GSE1: variants seen among roughly 807,000 people sequenced by gnomAD.
GSE1 encodes Gse1 coiled-coil protein.
A neutral mutation model predicts 112.6 loss-of-function variants in GSE1; 32 were observed. That is an observed-to-expected ratio of 0.28 (90% confidence interval 0.21 to 0.38). The LOEUF (loss-of-function observed/expected upper bound fraction) is 0.38, where lower values mean the gene tolerates loss of function less well. GSE1 is among the 10% of genes least tolerant of loss of function. The probability of loss-of-function intolerance (pLI) is 1.00; values close to 1 mark genes in which losing one functional copy is unlikely to be tolerated. For missense variants in GSE1, 2,348 were observed against 1,699.2 expected, an observed-to-expected ratio of 1.38 and a Z score of -6.71; for synonymous variants, 1,115 against 735.6, an observed-to-expected ratio of 1.52 and a Z score of -8.35.
intron 2 of GSE1, among the ~76,000 whole-genome samples, chr16:85,634,369 G>A (rs539156870): frequency 1.4e-4 from 22 of 152,230 alleles, no homozygotes; most frequent in African/African-American, 4.3e-4. Context: ...CTCGGCCCCC[G>A]GAGCCACTGC....
At chr16:85,459,202 G>A (rs928499455) in intron 2 of GSE1, among the ~76,000 whole-genome samples, 3 of 152,212 alleles carry the variant, frequency 2.0e-5, no homozygotes, top group East Asian at 3.8e-4. Flanking sequence ...AACAACCACC[G>A]TGCCAATTGC....
At chr16:85,272,521 G>C (rs16975454) in intron 1 of GSE1, among the ~76,000 whole-genome samples, 1,761 of 152,252 alleles carry the variant, frequency 0.012, 40 homozygotes, top group African/African-American at 0.039. Context: ...TAAACCTTCT[G>C]AATGTCTGTG....
At chr16:85,417,250 C>G (rs1430606546) in intron 2 of GSE1, among the ~76,000 whole-genome samples, 3 of 152,230 alleles carry the variant, frequency 2.0e-5, no homozygotes, top group Non-Finnish European at 4.4e-5. Context: ...TTCCCAGCCT[C>G]AACCCCACTA....
At chr16:85,366,438 A>C (rs1376774843) in intron 2 of GSE1, among the ~76,000 whole-genome samples, 4 of 152,256 alleles carry the variant, frequency 2.6e-5, no homozygotes, top group African/African-American at 9.6e-5. Flanking sequence ...CTCCACGACC[A>C]ATCTATTTAT....
intron 2 of GSE1, among the ~76,000 whole-genome samples, chr16:85,432,002 C>T (rs1269332606): frequency 2.0e-5 from 3 of 152,222 alleles, no homozygotes; most frequent in South Asian, 2.1e-4. Context: ...GAATCCTCGC[C>T]GCCTGGGCGA....
chr16:85,325,292 T>A (rs1355990269), intron 1 of GSE1, among the ~76,000 whole-genome samples: 1 of 152,090 alleles, frequency 6.6e-6, no homozygotes, highest in Non-Finnish European at 1.5e-5. Flanking sequence ...CTTAAAAAGC[T>A]TTAGTGGCGA....
At chr16:85,560,049 T>A (rs2045436589) in intron 1 of GSE1, among the ~76,000 whole-genome samples, 1 of 152,052 alleles carries the variant, frequency 6.6e-6, no homozygotes, top group Non-Finnish European at 1.5e-5. Flanking sequence ...TAATAATAAT[T>A]CTTATTTTGT....
intron 1 of GSE1, among the ~76,000 whole-genome samples, chr16:85,187,724 C>G (rs1334017685): frequency 2.0e-5 from 3 of 152,192 alleles, no homozygotes; most frequent in African/African-American, 7.2e-5. Flanking sequence ...GCCTTGGGCT[C>G]CTCACCCACA....
At chr16:85,581,503 T>C (rs1360966557) in intron 1 of GSE1, among the ~76,000 whole-genome samples, 5 of 152,118 alleles carry the variant, frequency 3.3e-5, no homozygotes, top group Non-Finnish European at 1.5e-5. Context: ...GGCCCTCTGT[T>C]TCTGGAGAGA....
At chr16:85,175,455 G>C (rs2074442537) in intron 1 of GSE1, among the ~76,000 whole-genome samples, 1 of 152,386 alleles carries the variant, frequency 6.6e-6, no homozygotes, top group East Asian at 1.9e-4. Flanking sequence ...GGAGTCGGCT[G>C]TGTGATGTTG....
At chr16:85,552,019 C>CTTTTTTTTTTTTTTTTTTT, upstream of GSE1, among the ~76,000 whole-genome samples, 1 of 151,946 alleles carries the variant, frequency 6.6e-6, no homozygotes, top group African/African-American at 2.4e-5. Context: ...CACTCAATTT[C>CTTTTTTTTTTTTTTTTTTT]TTTCTTTCTT....
intron 1 of GSE1, among the ~76,000 whole-genome samples, chr16:85,199,104 C>T (rs1270079484): frequency 6.6e-6 from 1 of 151,888 alleles, no homozygotes; most frequent in African/African-American, 2.4e-5. Context: ...GCTACCATGC[C>T]CAGCTAATTT....
chr16:85,393,033 G>C (rs2047879986), intron 2 of GSE1, among the ~76,000 whole-genome samples: 1 of 152,234 alleles, frequency 6.6e-6, no homozygotes, highest in Non-Finnish European at 1.5e-5. Context: ...AGGAGGATCA[G>C]ATAGAGGCCC....
chr16:85,331,385 A>ATATATG (rs1567692636), intron 1 of GSE1, among the ~76,000 whole-genome samples: 5 of 135,874 alleles, frequency 3.7e-5, no homozygotes, highest in African/African-American at 1.3e-4. Flanking sequence ...ATATATATGT[A>ATATATG]TATATATGTG....
chr16:85,268,264 G>A (rs1908460645), intron 1 of GSE1, among the ~76,000 whole-genome samples: 1 of 152,096 alleles, frequency 6.6e-6, no homozygotes, highest in African/African-American at 2.4e-5. Context: ...CGCTGGTGCA[G>A]AAGCATAATT....
At chr16:85,669,966 G>T (rs1268316565) in intron 14 of GSE1, among the ~76,000 whole-genome samples, 1 of 152,196 alleles carries the variant, frequency 6.6e-6, no homozygotes, top group Non-Finnish European at 1.5e-5. Flanking sequence ...TTTCCCCCAA[G>T]GACTTTTCCC....
At chr16:85,346,749 A>G (rs1426918614) in intron 1 of GSE1, among the ~76,000 whole-genome samples, 2 of 148,322 alleles carry the variant, frequency 1.3e-5, no homozygotes, top group African/African-American at 5.0e-5. Flanking sequence ...AGGTGAGTGG[A>G]TGGTGGGCAG....
intron 2 of GSE1, among the ~76,000 whole-genome samples, chr16:85,512,141 G>T (rs1049960467): frequency 1.3e-5 from 2 of 152,160 alleles, no homozygotes; most frequent in Non-Finnish European, 2.9e-5. Flanking sequence ...CCACAGCCTG[G>T]CTGGGCCCAC....
Position 85,311,848 on chromosome 16 carries a change from T to C in GSE1, c.2284-45615T>C, listed in dbSNP as rs2045857017. Reference sequence around the variant, plus strand: ...TCTGACCTGTGGCCCCAGCCGCGAGTCCTTCTCACCCCAGACCCCAGCGTC... The same window carrying C: ...TCTGACCTGTGGCCCCAGCCGCGAGCCCTTCTCACCCCAGACCCCAGCGTC... On this transcript the variant is annotated intron_variant, in intron 1 of 2. Transcript: ENST00000637419. The surrounding 1 kb of genome is among the most constrained non-coding windows in gnomAD (Gnocchi z 4.2). 6.6e-6 allele frequency among the ~76,000 whole-genome samples: 1 copy of C among 152,120 alleles called. No individual in the cohort carries two copies. The highest frequency in any genetic ancestry group is 2.1e-4 in the South Asian group (1 of 4,824).
Sources: gnomAD v4.1 joint callset for allele counts (sites outside exome capture counted in the v4.1 genomes callset) on GRCh38, gnomAD v4.1.1 for gene constraint, Gnocchi (gnomAD v3.1) non-coding constraint, MANE v1.5 for transcripts, NCBI Gene and HGNC (gene_info 2026-07-23, HGNC 2026-07-21) for gene names.